The following GABPB1 variants were observed in gnomAD, a reference collection of about 807,000 sequenced individuals.
The protein encoded by GABPB1 is GA binding protein transcription factor subunit beta 1.
Under a neutral mutation model 45.9 loss-of-function variants are expected in GABPB1, and 15 were observed. The observed-to-expected ratio is 0.33, with a 90% CI of 0.22 to 0.50. GABPB1 has a LOEUF of 0.50. Ranked by LOEUF, GABPB1 falls within the 20% of genes least tolerant of loss-of-function variation. The pLI is 0.98. For synonymous variants in GABPB1, 143 were observed against 154.4 expected (o/e 0.93, Z 0.55); for missense variants, 252 against 457.5 (o/e 0.55, Z 4.10).
At chr15:50,328,704 T>C (rs991808477) in intron 1 of GABPB1, among the ~76,000 whole-genome samples, 1 of 152,208 alleles carries the variant, frequency 6.6e-6, no homozygotes, top group African/African-American at 2.4e-5. Flanking sequence ...TTTGGCTCCA[T>C]GGGAATATCC....
intron 1 of GABPB1, among the ~76,000 whole-genome samples, chr15:50,326,294 G>T (rs186209132): frequency 6.6e-6 from 1 of 152,126 alleles, no homozygotes; most frequent in Non-Finnish European, 1.5e-5. Flanking sequence ...TGGGAAGATC[G>T]TTCAAGCCCA....
intron 5 of GABPB1, 47 bp downstream of exon 5, chr15:50,301,210 C>A (rs1191900983): frequency 6.2e-7 from 1 of 1,610,480 alleles, no homozygotes; most frequent in Non-Finnish European, 8.5e-7. Flanking sequence ...ATCCTATATG[C>A]ATCTCAATAC....
chr15:50,306,646 T>A (rs944152970), intron 2 of GABPB1, among the ~76,000 whole-genome samples: 1 of 147,188 alleles, frequency 6.8e-6, no homozygotes. Context: ...AAAAAAAAAA[T>A]CTTCCCACAT....
intron 1 of GABPB1, chr15:50,348,804 C>T (rs1200242767): frequency 6.6e-6 from 1 of 151,982 alleles, no homozygotes; most frequent in Non-Finnish European, 1.5e-5. Context: ...GCAGATTGCA[C>T]TGAGCTAAGA....
At chr15:50,286,382 CT>C (rs1180497201) in intron 7 of GABPB1, among the ~76,000 whole-genome samples, 199 bp from the exon 8 acceptor site, 2 of 151,878 alleles carry the variant, frequency 1.3e-5, no homozygotes, top group Admixed American at 6.6e-5. Context: ...CTGAAATCTA[CT>C]TATTAAAGTA....
intron 6 of GABPB1, among the ~76,000 whole-genome samples, chr15:50,291,606 G>A (rs35354250): frequency 0.18 from 27,944 of 151,300 alleles, 2,755 homozygotes; most frequent in Middle Eastern, 0.23. Context: ...GATTACAGGC[G>A]TAAGCCACCA....
chr15:50,342,814 T>C (rs745639049), intron 1 of GABPB1, among the ~76,000 whole-genome samples: 6 of 152,254 alleles, frequency 3.9e-5, no homozygotes, highest in Non-Finnish European at 8.8e-5. Context: ...CTTCTATAGT[T>C]GTTAGATAGG....
In GABPB1 at chr15:50,289,844, C is replaced by T. The variant is rs182970837; in HGVS notation, c.698-176G>A. 2.1e-3 allele frequency among the ~76,000 whole-genome samples: 311 copies of T among 151,676 alleles called. 2 individuals carry two copies. Among genetic ancestry groups the T allele is most frequent in the African/African-American group, 7.4e-3 (304 of 41,332 alleles). ...CTGGAGGGTAGTGGCACAATCATGGCTCACTGCATCCTTAACTCCTGCACT... is the reference window on the plus strand; with the variant it reads ...CTGGAGGGTAGTGGCACAATCATGGTTCACTGCATCCTTAACTCCTGCACT... On this transcript the variant is annotated intron_variant, in intron 6 of 8. Coordinates refer to ENST00000380877, the MANE Select transcript of GABPB1 (RefSeq NM_016654.5).
intron 6 of GABPB1, among the ~76,000 whole-genome samples, chr15:50,297,002 T>G (rs1278883453): frequency 6.9e-6 from 1 of 145,858 alleles, no homozygotes. Flanking sequence ...CCTCCACCTC[T>G]GAGGTTCAAG....
chr15:50,345,540 A>G (rs758628943), intron 1 of GABPB1, among the ~76,000 whole-genome samples: 1 of 152,222 alleles, frequency 6.6e-6, no homozygotes, highest in Non-Finnish European at 1.5e-5. Context: ...AGCCTGGGCA[A>G]CACAGTGAGA....
chr15:50,313,128 T>C (rs1007124638), intron 1 of GABPB1, among the ~76,000 whole-genome samples: 5 of 152,272 alleles, frequency 3.3e-5, no homozygotes, highest in African/African-American at 1.2e-4. Flanking sequence ...GAAACATTCA[T>C]GTTTTACTTA....
At chr15:50,337,131 T>TGA in intron 1 of GABPB1, among the ~76,000 whole-genome samples, 2 of 54,488 alleles carry the variant, frequency 3.7e-5, no homozygotes, top group African/African-American at 1.2e-4. Context: ...ATATATATAA[T>TGA]ATGAAGAGGT....
intron 1 of GABPB1, among the ~76,000 whole-genome samples, chr15:50,338,748 G>A (rs1038073509): frequency 1.3e-5 from 2 of 152,314 alleles, no homozygotes; most frequent in Middle Eastern, 3.4e-3. Flanking sequence ...AGGATTACAG[G>A]CGTGAGCCAC....
At chr15:50,305,169 T>A (rs1404997075) in intron 2 of GABPB1, among the ~76,000 whole-genome samples, 2 of 152,200 alleles carry the variant, frequency 1.3e-5, no homozygotes, top group Non-Finnish European at 2.9e-5. Context: ...CATCACTTGA[T>A]ATTCCAAAGA....
At chr15:50,285,509 G>T (rs1014286572) in intron 8 of GABPB1, among the ~76,000 whole-genome samples, 1 of 152,110 alleles carries the variant, frequency 6.6e-6, no homozygotes, top group African/African-American at 2.4e-5. Flanking sequence ...CTATGGTTTT[G>T]TTACACCTAC....
intron 1 of GABPB1, among the ~76,000 whole-genome samples, chr15:50,341,049 AGTCT>A (rs762958391): frequency 2.0e-4 from 31 of 151,478 alleles, no homozygotes; most frequent in Non-Finnish European, 3.1e-4. Flanking sequence ...TACTCCTCTC[AGTCT>A]GTTTTAAATT....
intron 1 of GABPB1, among the ~76,000 whole-genome samples, chr15:50,326,586 C>T (rs1425635739): frequency 2.0e-5 from 3 of 151,982 alleles, no homozygotes; most frequent in African/African-American, 4.8e-5. Context: ...CGCTAGAACC[C>T]GGAAGGCAGA....
chr15:50,322,977 C>G (rs2141098995), intron 1 of GABPB1, among the ~76,000 whole-genome samples: 1 of 152,262 alleles, frequency 6.6e-6, no homozygotes, highest in South Asian at 2.1e-4. Flanking sequence ...TACAGTGAGC[C>G]ATGATCGCAC....
intron 8 of GABPB1, among the ~76,000 whole-genome samples, chr15:50,280,941 A>G (rs926896888): frequency 3.9e-5 from 6 of 152,208 alleles, no homozygotes; most frequent in Admixed American, 1.3e-4. Context: ...AGGATTCACA[A>G]TTATTGCAGA....
Sources: gnomAD v4.1 joint callset for allele counts (sites outside exome capture counted in the v4.1 genomes callset) on GRCh38, gnomAD v4.1.1 for gene constraint, MANE v1.5 for transcripts, NCBI Gene and HGNC (gene_info 2026-07-23, HGNC 2026-07-21) for gene names.